Variants in GHR observed in about 807,000 individuals in gnomAD.
GHR encodes growth hormone receptor.
Under a neutral mutation model 67.1 loss-of-function variants are expected in GHR, and 35 were observed. That is an observed-to-expected ratio of 0.52 (90% CI 0.40 to 0.69). The LOEUF is 0.69. GHR is among the 30% of genes least tolerant of loss of function. The pLI is 0.00. For synonymous variants in GHR, 272 were observed against 269.1 expected, an observed-to-expected ratio of 1.01 and a Z score of -0.10; for missense variants, 792 against 764.6, an observed-to-expected ratio of 1.04 and a Z score of -0.42.
intron 2 of GHR, among the ~76,000 whole-genome samples, chr5:42,620,312 G>A (rs941808346): frequency 6.6e-6 from 1 of 152,064 alleles, no homozygotes; most frequent in African/African-American, 2.4e-5. Context: ...TTTTTTGAAA[G>A]TTAAATATTT....
At chr5:42,686,255 T>C (rs1757134824) in intron 3 of GHR, among the ~76,000 whole-genome samples, 1 of 152,184 alleles carries the variant, frequency 6.6e-6, no homozygotes, top group Admixed American at 6.5e-5. Flanking sequence ...TGGTTGTGGA[T>C]GTGTGGTGTT....
chr5:42,490,152 A>G (rs1216897688), intron 1 of GHR, among the ~76,000 whole-genome samples: 1 of 152,242 alleles, frequency 6.6e-6, no homozygotes, highest in Non-Finnish European at 1.5e-5. Flanking sequence ...ACAGAGCTCT[A>G]GCATTTACTT....
chr5:42,697,551 G>A (rs570246158), intron 5 of GHR, among the ~76,000 whole-genome samples: 1 of 74,810 alleles, frequency 1.3e-5, no homozygotes, highest in South Asian at 4.5e-4. Context: ...TCAGCAAGGG[G>A]GCACGCCAGA....
At chr5:42,691,176 G>C (rs1231699806) in intron 4 of GHR, among the ~76,000 whole-genome samples, 2 of 152,198 alleles carry the variant, frequency 1.3e-5, no homozygotes, top group African/African-American at 4.8e-5. Flanking sequence ...AAGTGTGACT[G>C]GGTAAAGGGA....
At chr5:42,571,269 A>T (rs933030404) in intron 2 of GHR, among the ~76,000 whole-genome samples, 1 of 152,130 alleles carries the variant, frequency 6.6e-6, no homozygotes, top group Non-Finnish European at 1.5e-5. Context: ...TGAACTCCTC[A>T]TGCCTGTGTC....
chr5:42,572,870 G>C (rs1358837283), intron 2 of GHR, among the ~76,000 whole-genome samples: 2 of 152,154 alleles, frequency 1.3e-5, no homozygotes, highest in Non-Finnish European at 2.9e-5. Context: ...TGGCAGAGAG[G>C]TGGGGGTAGG....
intron 1 of GHR, among the ~76,000 whole-genome samples, chr5:42,454,866 C>T (rs542471773): frequency 2.6e-5 from 4 of 152,240 alleles, no homozygotes; most frequent in Admixed American, 2.6e-4. Context: ...ATATCTGCTG[C>T]AGTTCCCATT....
At chr5:42,690,211 G>A (rs1449980670) in intron 4 of GHR, among the ~76,000 whole-genome samples, 7 of 152,186 alleles carry the variant, frequency 4.6e-5, no homozygotes, top group Non-Finnish European at 1.0e-4. Context: ...AGCTGGAATA[G>A]GGAAGGAAGA....
At chr5:42,681,387 G>A (rs186481644) in intron 3 of GHR, among the ~76,000 whole-genome samples, 2 of 152,260 alleles carry the variant, frequency 1.3e-5, no homozygotes, top group East Asian at 3.9e-4. Context: ...TCAGAGAAAT[G>A]CAAATCAAAA....
chr5:42,529,684 C>T lies in GHR; in HGVS notation c.-11-36180C>T, dbSNP rs865942582. Among the ~76,000 whole-genome samples, 3 of 152,220 alleles carry T rather than the reference C, an allele frequency of 2.0e-5. No homozygotes were observed. In the South Asian group the frequency reaches 6.2e-4, roughly 32 times the overall value. On this transcript the variant is annotated intron_variant, in intron 1 of 9. Transcript: ENST00000230882. ...GACACAGCTTAACTCTTGGGTGGGT[C>T]ACTTAGTCTGCTTGGTTGAGGTTTC...
intron 1 of GHR, among the ~76,000 whole-genome samples, chr5:42,476,415 T>G (rs1374243094): frequency 5.3e-5 from 8 of 151,822 alleles, no homozygotes; most frequent in Non-Finnish European, 1.5e-5. Flanking sequence ...GAGACAGGGT[T>G]TCACCATTTT....
intron 1 of GHR, among the ~76,000 whole-genome samples, chr5:42,446,833 A>G (rs558752117): frequency 7.2e-5 from 11 of 152,310 alleles, no homozygotes; most frequent in African/African-American, 2.6e-4. Context: ...TGTGAAGAGA[A>G]TACTTAAAGT....
intron 1 of GHR, among the ~76,000 whole-genome samples, chr5:42,474,207 GAA>G (rs1420323173): frequency 2.0e-4 from 29 of 143,844 alleles, no homozygotes; most frequent in African/African-American, 7.5e-4. Context: ...AGAGAGAGAT[GAA>G]AGAGAGAGAG....
chr5:42,694,921 A>C lies in GHR; in HGVS notation c.271A>C (p.Thr91Pro). The C allele has an allele frequency of 1.9e-6, 3 of 1,607,692 alleles. No individual in the cohort carries two copies. The East Asian group carries it at 6.7e-5, about 36-fold the overall frequency. The change falls in exon 5 of 10, where the codon ACT becomes CCT. Residue 91 changes from threonine (T) to proline (P), a missense_variant. Thr to Pro is a conservative substitution (Grantham distance 38). Coordinates refer to ENST00000230882, the MANE Select transcript of GHR (RefSeq NM_000163.5). ...TTTTTTAACCCTTCATTTTAGGAAC[A>C]CTCAAGAATGGACTCAAGAATGGAA... is the stretch of plus-strand genomic sequence containing the variant. ...PIQLFYTRRN[T>P]QEWTQEWKEC...
intron 2 of GHR, among the ~76,000 whole-genome samples, chr5:42,599,357 A>ATTTTTTTTTTTTT (rs36037535): frequency 9.6e-6 from 1 of 103,908 alleles, no homozygotes; most frequent in African/African-American, 4.1e-5. Context: ...CCTACAGCAC[A>ATTTTTTTTTTTTT]TTTTTTTTTT....
At chr5:42,467,891 T>C (rs1744806934) in intron 1 of GHR, 1 of 797,188 alleles carries the variant, frequency 1.3e-6, no homozygotes, top group Admixed American at 2.4e-5. Context: ...ACATTTCTGG[T>C]CTTCCTCTTC....
intron 1 of GHR, among the ~76,000 whole-genome samples, chr5:42,523,519 A>G (rs1228993273): frequency 6.6e-6 from 1 of 151,970 alleles, no homozygotes; most frequent in Non-Finnish European, 1.5e-5. Context: ...TGCTATTATT[A>G]TGTTGTTTTG....
intron 1 of GHR, among the ~76,000 whole-genome samples, chr5:42,500,865 T>C (rs1746512374): frequency 1.3e-5 from 2 of 152,200 alleles, no homozygotes; most frequent in Non-Finnish European, 2.9e-5. Context: ...TAAGAAATGA[T>C]TAAATTAAGT....
intron 1 of GHR, among the ~76,000 whole-genome samples, chr5:42,534,168 A>ATGTATATATGTATGTATATATGTACATG (rs1561102381): frequency 1.2e-4 from 11 of 89,088 alleles, no homozygotes; most frequent in African/African-American, 6.1e-4. Context: ...ATATGTACAT[A>ATGTATATATGTATGTATATATGTACATG]TGTATATATG....
Sources: allele counts gnomAD v4.1 joint callset (sites outside exome capture counted in the v4.1 genomes callset), GRCh38; gene constraint gnomAD v4.1.1; transcripts MANE v1.5; gene names NCBI Gene and HGNC (gene_info 2026-07-23, HGNC 2026-07-21).